RGS7BP: variants seen among roughly 807,000 people sequenced by gnomAD.
The protein encoded by RGS7BP is regulator of G protein signaling 7 binding protein.
Under a neutral mutation model 31.3 loss-of-function variants are expected in RGS7BP, and 9 were observed. That is an observed-to-expected ratio of 0.29 (90% CI 0.17 to 0.50). RGS7BP has a LOEUF of 0.50. Among genes scored for constraint, RGS7BP ranks in the 20% least tolerant of loss-of-function variants. The pLI is 0.98. For missense variants in RGS7BP, 274 were observed against 322.0 expected (o/e 0.85, Z 1.14); for synonymous variants, 115 against 120.1 (o/e 0.96, Z 0.28).
At chr5:64,578,626 C>A (rs1050859780) in intron 3 of RGS7BP, among the ~76,000 whole-genome samples, 3 of 152,204 alleles carry the variant, frequency 2.0e-5, no homozygotes, top group Non-Finnish European at 1.5e-5. Flanking sequence ...CCTTACCATG[C>A]CATTCTGCTT....
At chr5:64,602,260 C>T (rs1279099256) in intron 5 of RGS7BP, among the ~76,000 whole-genome samples, 1 of 152,184 alleles carries the variant, frequency 6.6e-6, no homozygotes, top group African/African-American at 2.4e-5. Flanking sequence ...CCAAGGGCCT[C>T]GTAAAGACTT....
chr5:64,538,505 CT>C (rs1209747313), intron 2 of RGS7BP, among the ~76,000 whole-genome samples: 632 of 37,940 alleles, frequency 0.017, 14 homozygotes, highest in African/African-American at 0.058. Context: ...CTTTTCTTTT[CT>C]TTTTTTTTTT....
At chr5:64,545,290 C>CAT (rs1465295824) in intron 2 of RGS7BP, among the ~76,000 whole-genome samples, 7 of 151,530 alleles carry the variant, frequency 4.6e-5, no homozygotes, top group Non-Finnish European at 1.0e-4. Flanking sequence ...GGAGGGATAG[C>CAT]ATTAGGAGAC....
chr5:64,585,444 G>A (rs1447780969), intron 3 of RGS7BP, among the ~76,000 whole-genome samples: 2 of 151,858 alleles, frequency 1.3e-5, no homozygotes, highest in Non-Finnish European at 1.5e-5. Context: ...GAATGGAAGG[G>A]GCAAAGAAAA....
At chr5:64,515,889 T>A (rs1748960127) in intron 2 of RGS7BP, among the ~76,000 whole-genome samples, 1 of 151,836 alleles carries the variant, frequency 6.6e-6, no homozygotes, top group South Asian at 2.1e-4. Flanking sequence ...GATACTGAAC[T>A]CCTAGGCTCA....
chr5:64,536,120 T>A (rs111905253), intron 2 of RGS7BP, among the ~76,000 whole-genome samples: 1 of 152,148 alleles, frequency 6.6e-6, no homozygotes, highest in Non-Finnish European at 1.5e-5. Context: ...AGAAGTCTCT[T>A]TGGGTAGGTA....
At chr5:64,540,837 C>CA (rs1053200624) in intron 2 of RGS7BP, among the ~76,000 whole-genome samples, 32 of 152,088 alleles carry the variant, frequency 2.1e-4, no homozygotes, top group African/African-American at 7.5e-4. Flanking sequence ...CTGTGCAGCA[C>CA]AAAAAAAGCC....
At chr5:64,573,863 TA>T (rs1301391528) in intron 2 of RGS7BP, among the ~76,000 whole-genome samples, 1 of 152,206 alleles carries the variant, frequency 6.6e-6, no homozygotes, top group African/African-American at 2.4e-5. Flanking sequence ...ATTTAATCAT[TA>T]TACAATATAT....
chr5:64,542,322 G>C (rs773324896), intron 2 of RGS7BP, among the ~76,000 whole-genome samples: 1 of 152,210 alleles, frequency 6.6e-6, no homozygotes, highest in Non-Finnish European at 1.5e-5. Flanking sequence ...CTTTGGTTCA[G>C]AGTAACAGCT....
intron 2 of RGS7BP, among the ~76,000 whole-genome samples, chr5:64,519,264 C>CGTTTGTTCCTTTCATTAAACGTTGA (rs1202679769): frequency 2.0e-5 from 3 of 152,158 alleles, no homozygotes; most frequent in Admixed American, 6.5e-5. Context: ...CCTCTTAGTT[C>CGTTTGTTCCTTTCATTAAACGTTGA]GTTTGTTCCT....
chr5:64,550,621 G>T (rs1741769886), intron 2 of RGS7BP, among the ~76,000 whole-genome samples: 1 of 151,704 alleles, frequency 6.6e-6, no homozygotes, highest in Non-Finnish European at 1.5e-5. Context: ...GGGTACATGT[G>T]CACAATGTGC....
rs72754860 is a variant in RGS7BP at position 64,520,467 on chromosome 5, G to A, written c.332+12590G>A. Among the ~76,000 whole-genome samples the A allele has an allele frequency of 5.7e-3, 866 of 152,332 alleles. 10 individuals carry two copies. Among genetic ancestry groups the A allele is most frequent in the South Asian group, 0.019 (94 of 4,826 alleles). ...GCCTTACTGAAGCTGCCAGTGGAAT[G>A]TAAATGGATCTTGGCTCTGCATTCT... On this transcript the variant is annotated intron_variant, in intron 2 of 5. Coordinates refer to ENST00000334025, the MANE Select transcript of RGS7BP (RefSeq NM_001029875.3).
At chr5:64,593,901 G>A (rs972828107) in intron 3 of RGS7BP, among the ~76,000 whole-genome samples, 1 of 152,056 alleles carries the variant, frequency 6.6e-6, no homozygotes, top group African/African-American at 2.4e-5. Context: ...TTTCAAGAAA[G>A]AATAAAAGAC....
chr5:64,607,568 G>A (rs145218412), intron 5 of RGS7BP, among the ~76,000 whole-genome samples: 3 of 152,194 alleles, frequency 2.0e-5, no homozygotes, highest in African/African-American at 7.2e-5. Context: ...AGAAAGAAAT[G>A]TCTGGGTTAT....
intron 2 of RGS7BP, among the ~76,000 whole-genome samples, chr5:64,558,991 G>A (rs184682508): frequency 8.3e-4 from 126 of 152,242 alleles, no homozygotes; most frequent in African/African-American, 2.9e-3. Flanking sequence ...ATGACAATGC[G>A]TGCACAGCGG....
At chr5:64,563,838 C>A (rs896119314) in intron 2 of RGS7BP, among the ~76,000 whole-genome samples, 1 of 152,148 alleles carries the variant, frequency 6.6e-6, no homozygotes, top group Admixed American at 6.6e-5. Flanking sequence ...TGTCGTGTTT[C>A]TTTGACATCC....
intron 2 of RGS7BP, chr5:64,539,657 A>G (rs1325347231): frequency 6.6e-6 from 1 of 152,172 alleles, no homozygotes. Flanking sequence ...GGACCTGACC[A>G]CCAGGTTGCC....
intron 1 of RGS7BP, among the ~76,000 whole-genome samples, chr5:64,507,108 A>G (rs1580378864): frequency 6.6e-6 from 1 of 151,982 alleles, no homozygotes; most frequent in African/African-American, 2.4e-5. Flanking sequence ...GGAGGGAGGG[A>G]TGAGGAGGTG....
At chr5:64,543,485 T>A (rs1580414768) in intron 2 of RGS7BP, among the ~76,000 whole-genome samples, 1 of 152,240 alleles carries the variant, frequency 6.6e-6, no homozygotes, top group Non-Finnish European at 1.5e-5. Context: ...CTGTTTCTCA[T>A]TTCTGTGACA....
Sources: allele counts gnomAD v4.1 joint callset (sites outside exome capture counted in the v4.1 genomes callset), GRCh38; gene constraint gnomAD v4.1.1; transcripts MANE v1.5; gene names NCBI Gene and HGNC (gene_info 2026-07-23, HGNC 2026-07-21).